SPTBN5: variants seen among roughly 807,000 people sequenced by gnomAD.
SPTBN5 encodes spectrin beta, non-erythrocytic 5.
Under a neutral mutation model 477.6 loss-of-function variants are expected in SPTBN5, and 513 were observed. The observed-to-expected ratio is 1.07, with a 90% CI of 1.00 to 1.16. SPTBN5 has a LOEUF of 1.16. Among genes scored for constraint, SPTBN5 ranks in the 50% most tolerant of loss-of-function variants. The pLI is 0.00. For missense variants in SPTBN5, 5,062 were observed against 4,731.8 expected (o/e 1.07, Z -2.05); for synonymous variants, 2,169 against 2,011.7 (o/e 1.08, Z -2.09).
intron 29 of SPTBN5, among the ~76,000 whole-genome samples, 197 bp downstream of exon 29, chr15:41,871,178 C>G (rs1379978758): frequency 6.6e-6 from 1 of 152,260 alleles, no homozygotes; most frequent in Admixed American, 6.5e-5. Context: ...GACCTGCACA[C>G]CCAGCCTCAC....
At chr15:41,866,665 G>C (rs574137479) in intron 36 of SPTBN5, 172 bp from the exon 37 acceptor site, 3 of 851,318 alleles carry the variant, frequency 3.5e-6, no homozygotes. Context: ...GGAGGCAGCC[G>C]GGCAGGGCCT....
chr15:41,881,720 C>T (rs1241081390), intron 12 of SPTBN5, among the ~76,000 whole-genome samples: 1 of 152,186 alleles, frequency 6.6e-6, no homozygotes, highest in Admixed American at 6.5e-5. Flanking sequence ...TATTTGGATG[C>T]CCTCGGTTGA....
At chr15:41,870,164 G>A in intron 31 of SPTBN5, 79 bp downstream of exon 31, 1 of 1,489,908 alleles carries the variant, frequency 6.7e-7, no homozygotes, top group South Asian at 1.3e-5. Context: ...GAGGGACAGT[G>A]GAAAATCTAG....
rs372406991 is a variant in SPTBN5, at chr15:41,876,948, C to T, written c.3712G>A (p.Glu1238Lys). The T allele has an allele frequency of 8.7e-6, 14 of 1,605,108 alleles. No homozygotes were observed. The highest frequency in any genetic ancestry group is 2.2e-5 in the East Asian group (1 of 44,600). Residue 1238 changes from glutamate (E) to lysine (K), a missense_variant and splice_region_variant, in exon 19 of 68, where the codon GAG (glutamate) becomes AAG (lysine). Physicochemically the swap from Glu to Lys is moderately conservative, Grantham distance 56. Transcript: ENST00000320955. The stretch of plus-strand genomic sequence containing the variant: ...AGGCTCAGGGCCTCCCTCACGTCCT[C>T]CTGGGAGTGCAGAGACCTGAGGTCA... ...QAWLHLDNLGEDVREALSLLQ... is the reference protein window; with the variant it reads ...QAWLHLDNLGKDVREALSLLQ...
In SPTBN5 at chr15:41,877,215, C is replaced by T; in HGVS notation, c.3612G>A (p.Leu1204=). The T allele has an allele frequency of 6.2e-7, 1 of 1,614,020 alleles. No individual in the cohort carries two copies. Among genetic ancestry groups the T allele is most frequent in the South Asian group, 1.1e-5 (1 of 91,082 alleles). The stretch of plus-strand genomic sequence containing the variant: ...ACTTCTGCAGCTCCAGCCCCTCTTG[C>T]AGCCACTGCTGCCTCTGCTCCCACA... ...KVLWEQRQQW[L]QEGLELQKFG... Residue 1204 remains leucine (L), a synonymous_variant, in exon 18 of 68, where the codon CTG becomes CTA. Coordinates refer to ENST00000320955, the MANE Select transcript of SPTBN5 (RefSeq NM_016642.4).
Position 41,890,154 on chromosome 15 carries a change from G to A in SPTBN5, c.436C>T (p.Leu146Phe). ...PENIVDGDQT[L>F]ILGLIWVIIL... ...ATGACCCAGATGAGTCCCAGGATGAGTGTCTGGTCTCCGTCCACGATGTTC... is the reference window on the plus strand; with the variant it reads ...ATGACCCAGATGAGTCCCAGGATGAATGTCTGGTCTCCGTCCACGATGTTC... Residue 146 changes from leucine to phenylalanine, a missense_variant, in exon 4 of 68, where the codon CTC becomes TTC. By Grantham distance (22) the Leu-to-Phe change is conservative (BLOSUM62 0). Coordinates refer to ENST00000320955, the MANE Select transcript of SPTBN5 (RefSeq NM_016642.4). 1.2e-6 allele frequency: 2 copies of A among 1,613,400 alleles called. No homozygotes were observed. Among genetic ancestry groups the A allele is most frequent in the Non-Finnish European group, 1.7e-6 (2 of 1,179,684 alleles).
chr15:41,855,323 G>A lies in SPTBN5; in HGVS notation c.9324C>T (p.His3108=), dbSNP rs1825435081. The A allele has an allele frequency of 6.2e-7, 1 of 1,609,386 alleles. No homozygotes were observed. Among genetic ancestry groups the A allele is most frequent in the Non-Finnish European group, 8.5e-7 (1 of 1,179,784 alleles). The change falls in exon 55 of 68, where the codon CAC becomes CAT. Residue 3108 remains histidine (H), a synonymous_variant. Transcript: ENST00000320955. The part of the protein sequence containing the change: ...GHGLQEQLQL[H]QLERETLLLD... ...GGAGCAGGGTCTCTCGCTCCAGCTGGTGTAGCTGCAGCTGCTCCTGCAGGC... is the reference window on the plus strand; with the variant it reads ...GGAGCAGGGTCTCTCGCTCCAGCTGATGTAGCTGCAGCTGCTCCTGCAGGC...
chr15:41,877,626 A>G (rs2066788806), intron 17 of SPTBN5, among the ~76,000 whole-genome samples: 1 of 152,222 alleles, frequency 6.6e-6, no homozygotes, highest in Admixed American at 6.5e-5. Context: ...CAAGCCACAA[A>G]AGCACCTGAC....
Position 41,879,830 on chromosome 15 carries a change from A to G in SPTBN5, c.2846T>C (p.Leu949Pro). The change falls in exon 15 of 68, where the codon CTC becomes CCC. Residue 949 changes from leucine to proline, a missense_variant. Leu to Pro is a moderately conservative substitution (Grantham distance 98). Coordinates refer to ENST00000320955, the MANE Select transcript of SPTBN5 (RefSeq NM_016642.4). ...FLTALAVGKG[L>P]WAEVSSSAEQ... The stretch of plus-strand genomic sequence containing the variant: ...AGCAGAGCTGCTGACCTCAGCCCAG[A>G]GGCCCTTTCCCACAGCCAGGGCAGT... 1 of 1,613,982 alleles carries G rather than the reference A, an allele frequency of 6.2e-7. No individual in the cohort carries two copies. The highest frequency in any genetic ancestry group is 1.3e-5 in the African/African-American group (1 of 75,058).
Position 41,874,305 on chromosome 15 carries a change from T to G in SPTBN5, c.4676A>C (p.His1559Pro). Residue 1559 changes from histidine (H) to proline (P), a missense_variant, in exon 24 of 68, where the codon CAC becomes CCC. Coordinates refer to ENST00000320955, the MANE Select transcript of SPTBN5 (RefSeq NM_016642.4). ...TECLNGAQSL[H>P]RKHKELQVEV... Reference sequence around the variant, plus strand: ...GAGGGCTATTACCTTGTGCTTGCGGTGAAGGCTCTGGGCACCATTCAAGCA... The same window carrying G: ...GAGGGCTATTACCTTGTGCTTGCGGGGAAGGCTCTGGGCACCATTCAAGCA... The G allele has an allele frequency of 6.2e-7, 1 of 1,611,524 alleles. No individual in the cohort carries two copies. Among genetic ancestry groups the G allele is most frequent in the Non-Finnish European group, 8.5e-7 (1 of 1,178,846 alleles).
chr15:41,875,131 T>G, intron 22 of SPTBN5, 75 bp from the exon 23 acceptor site: 1 of 1,398,934 alleles, frequency 7.1e-7, no homozygotes, highest in Non-Finnish European at 9.7e-7. Context: ...GCTCTGGGAC[T>G]GTTGGACTTT....
At chr15:41,863,143 C>A (rs1472749052) in intron 41 of SPTBN5, among the ~76,000 whole-genome samples, 1 of 152,248 alleles carries the variant, frequency 6.6e-6, no homozygotes, top group African/African-American at 2.4e-5. Flanking sequence ...CCTGTACAGT[C>A]TCACTCAACT....
intron 32 of SPTBN5, 126 bp from the exon 33 acceptor site, chr15:41,868,727 C>T (rs2066427717): frequency 2.3e-6 from 2 of 856,316 alleles, no homozygotes; most frequent in Non-Finnish European, 3.6e-6. Context: ...GGGTCAGGGC[C>T]TCGGGTGAGG....
intron 59 of SPTBN5, 72 bp downstream of exon 59, chr15:41,853,186 A>G: frequency 6.6e-7 from 1 of 1,521,034 alleles, no homozygotes; most frequent in Non-Finnish European, 8.9e-7. Flanking sequence ...CATGCCTGTG[A>G]GGGGCCCTGA....
In SPTBN5 at chr15:41,883,536, G is replaced by A. The variant is rs75120542; in HGVS notation, c.1521-50C>T. ...ATCTCCTCTGGGTTGGGGCAGGGAA[G>A]CTACTTCAGGGTTCCTGGTCTGTGG... On this transcript the variant is annotated intron_variant, in intron 7 of 67. Coordinates refer to ENST00000320955, the MANE Select transcript of SPTBN5 (RefSeq NM_016642.4). The A allele has an allele frequency of 9.5e-5, 150 of 1,586,396 alleles. 1 individual carries two copies. In the East Asian group the frequency reaches 3.3e-3, roughly 35 times the overall value.
intron 6 of SPTBN5, 100 bp downstream of exon 6, chr15:41,887,113 G>A: frequency 8.9e-7 from 1 of 1,122,442 alleles, no homozygotes; most frequent in African/African-American, 1.5e-5. Context: ...TGGGTGACTT[G>A]GCCAAGGCCA....
At chr15:41,868,000 T>C in intron 34 of SPTBN5, 69 bp downstream of exon 34, 1 of 1,502,656 alleles carries the variant, frequency 6.7e-7, no homozygotes, top group Non-Finnish European at 8.8e-7. Context: ...GGAAAGGGAC[T>C]GAGCAGAGAG....
intron 67 of SPTBN5, among the ~76,000 whole-genome samples, 158 bp from the exon 68 acceptor site, chr15:41,848,786 C>T (rs185345543): frequency 2.0e-5 from 3 of 152,200 alleles, no homozygotes; most frequent in African/African-American, 7.2e-5. Flanking sequence ...GCTGCAGCAG[C>T]GACCACAGTG....
At chr15:41,851,679 G>A (rs540680117) in intron 63 of SPTBN5, 100 bp downstream of exon 63, 178 of 903,060 alleles carry the variant, frequency 2.0e-4, no homozygotes, top group Non-Finnish European at 2.0e-4. Flanking sequence ...ATCTGCCCAA[G>A]TTCACAGTGC....
Sources: gnomAD v4.1 joint callset for allele counts (sites outside exome capture counted in the v4.1 genomes callset) on GRCh38, gnomAD v4.1.1 for gene constraint, MANE v1.5 for transcripts, NCBI Gene and HGNC (gene_info 2026-07-23, HGNC 2026-07-21) for gene names.